Variants in PRAME observed in about 807,000 individuals in gnomAD.
PRAME encodes the protein PRAME nuclear receptor transcriptional regulator.
Under a neutral mutation model 32.1 loss-of-function variants are expected in PRAME, and 21 were observed. The observed-to-expected ratio is 0.65, with a 90% CI of 0.46 to 0.94. The LOEUF (loss-of-function observed/expected upper bound fraction) is 0.94. PRAME is among the 40% of genes least tolerant of loss of function. The probability of loss-of-function intolerance (pLI) is 0.00; values close to 1 mark genes in which losing one functional copy is unlikely to be tolerated. For missense variants in PRAME, 651 were observed against 622.3 expected (o/e 1.05, Z -0.49); for synonymous variants, 274 against 251.5 (o/e 1.09, Z -0.85).
intron 2 of PRAME, chr22:22,557,297 C>G (rs191076998): frequency 9.4e-6 from 2 of 212,858 alleles, no homozygotes; most frequent in East Asian, 2.1e-4. Flanking sequence ...AAATGCGCAC[C>G]CACCCTGGAG....
chr22:22,555,073 CTG>C (rs2062826709), intron 3 of PRAME, among the ~76,000 whole-genome samples: 1 of 152,110 alleles, frequency 6.6e-6, no homozygotes, highest in East Asian at 2.0e-4. Flanking sequence ...AGTGAAAAGA[CTG>C]GGGCCCAGCA....
At chr22:22,557,093 CA>C (rs2062974164) in intron 2 of PRAME, 184 bp from the exon 3 acceptor site, 1 of 560,110 alleles carries the variant, frequency 1.8e-6, no homozygotes, top group South Asian at 2.1e-5. Flanking sequence ...TGGGCTGAAC[CA>C]GGGGGCAGGA....
rs437790 is a variant in PRAME, at chr22:22,558,957, T to A, written c.-114+14A>T. ...GGGCTGAAGAGACCACCCCCCGGGATTCAATTAACTTACTCTCTGGAGCGC... is the reference window on the plus strand; with the variant it reads ...GGGCTGAAGAGACCACCCCCCGGGAATCAATTAACTTACTCTCTGGAGCGC... On this transcript the variant is annotated intron_variant, in intron 1 of 5. Coordinates refer to ENST00000405655, the MANE Select transcript of PRAME (RefSeq NM_206956.3). The A allele has an allele frequency of 6.5e-6, 1 of 153,500 alleles. No individual in the cohort carries two copies. The highest frequency in any genetic ancestry group is 1.4e-5 in the Non-Finnish European group (1 of 69,586). The allele number at this position is 153,500 out of a possible 1,614,324, so 9.5% of individuals were successfully genotyped here. A position where few individuals can be genotyped will look rare whatever the true frequency, so the allele number is the denominator to read the frequency against.
intron 3 of PRAME, among the ~76,000 whole-genome samples, chr22:22,555,104 C>A (rs559591727): frequency 5.3e-5 from 8 of 151,980 alleles, no homozygotes; most frequent in Non-Finnish European, 1.2e-4. Flanking sequence ...AGGGTCCAGA[C>A]ATGAATTGGG....
intron 1 of PRAME, among the ~76,000 whole-genome samples, chr22:22,558,520 CAG>C (rs1327623516): frequency 5.2e-5 from 4 of 77,384 alleles, no homozygotes; most frequent in Non-Finnish European, 9.6e-5. Context: ...GGAAAAGAGG[CAG>C]AGAGTGGGGG....
rs756433823 is a variant in PRAME, at chr22:22,550,339, G to A, written c.345-5C>T. 1.3e-5 allele frequency: 21 copies of A among 1,609,292 alleles called. No homozygotes were observed. The highest frequency in any genetic ancestry group is 6.8e-5 in the Admixed American group (4 of 59,198). On this transcript the variant is annotated splice_polypyrimidine_tract_variant and splice_region_variant and intron_variant, in intron 4 of 5. Coordinates refer to ENST00000405655, the MANE Select transcript of PRAME (RefSeq NM_206956.3). ...AGCACTTGAAGTTTCCACCTCCTGT[G>A]GGGAAAAACAGGTAATTAGCTGAGA... is the stretch of plus-strand genomic sequence containing the variant.
chr22:22,552,734 G>A (rs2062664586), intron 3 of PRAME: 1 of 409,718 alleles, frequency 2.4e-6, no homozygotes, highest in African/African-American at 2.1e-5. Context: ...AGCAGCATTG[G>A]CCCTCATGGC....
At chr22:22,549,552 G>A (rs1462145802) in intron 5 of PRAME, among the ~76,000 whole-genome samples, 174 bp downstream of exon 5, 2 of 151,924 alleles carry the variant, frequency 1.3e-5, no homozygotes, top group Admixed American at 1.3e-4. Flanking sequence ...ACCCTTATGA[G>A]TAGTAGTTAT....
At position 22,559,045 on chromosome 22, in the gene PRAME, C is replaced by G. The variant is rs1196055805; in HGVS notation, c.-188G>C. The G allele has an allele frequency of 1.7e-5, 3 of 177,462 alleles. No individual in the cohort carries two copies. The highest frequency in any genetic ancestry group is 3.5e-5 in the Non-Finnish European group (3 of 86,040). 11.0% of individuals were successfully genotyped at this position (177,462 alleles called of 1,614,324 possible). The stretch of plus-strand genomic sequence containing the variant: ...CTTTCTGAGGCCCGCGCATGCTCCC[C>G]TCGACTCCCCGTGTTTCCACTCTCC... On this transcript the variant is annotated 5_prime_UTR_variant, in exon 1 of 6. Coordinates refer to ENST00000405655, the MANE Select transcript of PRAME (RefSeq NM_206956.3).
chr22:22,558,686 G>A (rs2063146888), intron 1 of PRAME, among the ~76,000 whole-genome samples: 1 of 150,244 alleles, frequency 6.7e-6, no homozygotes, highest in African/African-American at 2.5e-5. Context: ...GCAGTGGGGA[G>A]GCGGGGGGCT....
intron 3 of PRAME, chr22:22,552,959 C>T (rs572026815): frequency 4.5e-5 from 21 of 470,426 alleles, no homozygotes; most frequent in Admixed American, 9.4e-5. Flanking sequence ...ACGCTGCCAA[C>T]GGAAGAGCCA....
intron 3 of PRAME, among the ~76,000 whole-genome samples, chr22:22,554,536 C>T (rs2062787463): frequency 6.6e-6 from 1 of 151,928 alleles, no homozygotes; most frequent in East Asian, 2.0e-4. Flanking sequence ...TTGTCAATGT[C>T]CCTAATTATC....
chr22:22,555,660 A>C (rs561368612), intron 3 of PRAME, among the ~76,000 whole-genome samples: 9 of 151,826 alleles, frequency 5.9e-5, no homozygotes, highest in Non-Finnish European at 1.0e-4. Context: ...TGTGGATACC[A>C]ACAGCACCCG....
chr22:22,559,255 G>A lies in PRAME; in HGVS notation c.-398C>T, dbSNP rs1190033087. On this transcript the variant is annotated 5_prime_UTR_variant, in exon 1 of 6. Coordinates refer to ENST00000405655, the MANE Select transcript of PRAME (RefSeq NM_206956.3). Reference sequence around the variant, plus strand: ...CGCTGCAGGCCCGGCTTCTGGCTGCGGGGGAGCTGTACCCTGAAGCCTCGC... The same window carrying A: ...CGCTGCAGGCCCGGCTTCTGGCTGCAGGGGAGCTGTACCCTGAAGCCTCGC... 1 of 316,068 alleles carries A rather than the reference G, an allele frequency of 3.2e-6. No individual in the cohort carries two copies. The highest frequency in any genetic ancestry group is 6.2e-6 in the Non-Finnish European group (1 of 160,868). The allele number at this position is 316,068 out of a possible 1,614,324, so 19.6% of individuals were successfully genotyped here. A position where few individuals can be genotyped will look rare whatever the true frequency, so the allele number is the denominator to read the frequency against.
rs200262167 is a variant in PRAME at position 22,548,114 on chromosome 22, A to C, written c.1483T>G (p.Phe495Val). ...CACAGGATGGGCTCCGGGTCATAGAAGGTTCTGTCCCCACAGTGAGGACAG... is the reference window on the plus strand; with the variant it reads ...CACAGGATGGGCTCCGGGTCATAGACGGTTCTGTCCCCACAGTGAGGACAG... ...NPCPHCGDRT[F>V]YDPEPILCPC... is the part of the protein sequence containing the mutation. The change falls in exon 6 of 6, where the codon TTC becomes GTC. Residue 495 changes from phenylalanine (F) to valine (V), a missense_variant. Coordinates refer to ENST00000405655, the MANE Select transcript of PRAME (RefSeq NM_206956.3). 19 of 1,613,368 alleles carry C rather than the reference A, an allele frequency of 1.2e-5. No individual in the cohort carries two copies. In the East Asian group the frequency reaches 4.2e-4, roughly 36 times the overall value.
Position 22,550,307 on chromosome 22 carries a change from T to A in PRAME, c.372A>T (p.Leu124Phe), listed in dbSNP as rs1403513095. The change falls in exon 5 of 6, where the codon TTA becomes TTT. Residue 124 changes from leucine (L) to phenylalanine (F), a missense_variant. Physicochemically the swap from Leu to Phe is conservative, Grantham distance 22. Coordinates refer to ENST00000405655, the MANE Select transcript of PRAME (RefSeq NM_206956.3). ...AGAAGTCCTGATGAGAGTTCTTCCG[T>A]AAATCCAGCACTTGAAGTTTCCACC... ...PRRWKLQVLD[L>F]RKNSHQDFWT... 2.5e-6 allele frequency: 4 copies of A among 1,613,040 alleles called. No homozygotes were observed. The highest frequency in any genetic ancestry group is 3.4e-6 in the Non-Finnish European group (4 of 1,179,748).
intron 1 of PRAME, among the ~76,000 whole-genome samples, chr22:22,558,565 G>T (rs145692667): frequency 0.07 from 8,400 of 120,712 alleles, 551 homozygotes; most frequent in East Asian, 0.27. Flanking sequence ...AAGTCAGAAG[G>T]TGGGGGGTGA....
chr22:22,555,903 C>G (rs746529167), intron 3 of PRAME: 2 of 470,704 alleles, frequency 4.2e-6, no homozygotes, highest in Non-Finnish European at 8.8e-6. Context: ...TCTGACACCA[C>G]TGGAAGTGTG....
Position 22,556,879 on chromosome 22 carries a change from C to T in PRAME, c.-47G>A, listed in dbSNP as rs2062959323. On this transcript the variant is annotated 5_prime_UTR_variant, in exon 3 of 6. Coordinates refer to ENST00000405655, the MANE Select transcript of PRAME (RefSeq NM_206956.3). ...CTCAGGACCTCCAACGCTTGGATTT[C>T]TAGGTCTCAGTCACTTGTTGCCACG... 6.2e-7 allele frequency: 1 copy of T among 1,611,756 alleles called. No homozygotes were observed. Among genetic ancestry groups the T allele is most frequent in the Admixed American group, 1.7e-5 (1 of 59,948 alleles).
Sources: allele counts gnomAD v4.1 joint callset (sites outside exome capture counted in the v4.1 genomes callset), GRCh38; gene constraint gnomAD v4.1.1; transcripts MANE v1.5; gene names NCBI Gene and HGNC (gene_info 2026-07-23, HGNC 2026-07-21).